RASGRF1: variants seen among roughly 807,000 people sequenced by gnomAD.
The protein encoded by RASGRF1 is Ras protein specific guanine nucleotide releasing factor 1.
In RASGRF1, 40 loss-of-function variants were observed where a neutral mutation model predicts 138.7. The ratio of observed to expected loss-of-function variants is 0.29; its 90% CI spans 0.22 to 0.38. RASGRF1 has a LOEUF of 0.38. Ranked by LOEUF, RASGRF1 falls within the 10% of genes least tolerant of loss-of-function variation. RASGRF1 has a pLI of 1.00. For synonymous variants in RASGRF1, 614 were observed against 663.2 expected, an observed-to-expected ratio of 0.93 and a Z score of 1.14; for missense variants, 1,108 against 1,650.4, an observed-to-expected ratio of 0.67 and a Z score of 5.69.
At chr15:79,021,641 T>A (rs2056962251) in intron 10 of RASGRF1, among the ~76,000 whole-genome samples, 1 of 152,252 alleles carries the variant, frequency 6.6e-6, no homozygotes, top group South Asian at 2.1e-4. Context: ...GAATTTTAGC[T>A]TATGGCTATT....
intron 17 of RASGRF1, 55 bp from the exon 18 acceptor site, chr15:78,998,880 C>A (rs2056453228): frequency 1.4e-6 from 2 of 1,420,732 alleles, no homozygotes; most frequent in Non-Finnish European, 2.0e-6. Context: ...AGAAACAGAG[C>A]TTGACACTAG....
At chr15:79,023,360 A>G (rs773236544) in intron 10 of RASGRF1, among the ~76,000 whole-genome samples, 1 of 152,190 alleles carries the variant, frequency 6.6e-6, no homozygotes, top group East Asian at 1.9e-4. Flanking sequence ...GTGAGGGTCA[A>G]TGTCCTTATT....
chr15:78,982,640 G>A (rs1372840292), intron 23 of RASGRF1, among the ~76,000 whole-genome samples: 4 of 152,002 alleles, frequency 2.6e-5, no homozygotes, highest in Non-Finnish European at 5.9e-5. Flanking sequence ...AAGGACCCTT[G>A]GAGTCAGTGT....
intron 3 of RASGRF1, among the ~76,000 whole-genome samples, chr15:79,056,647 T>A (rs760772519): frequency 1.3e-5 from 2 of 152,094 alleles, no homozygotes; most frequent in Non-Finnish European, 2.9e-5. Context: ...GGAATGAAAG[T>A]ATGTCGTGAA....
chr15:78,975,005 C>G (rs1198526779), intron 24 of RASGRF1, among the ~76,000 whole-genome samples: 1 of 152,242 alleles, frequency 6.6e-6, no homozygotes, highest in African/African-American at 2.4e-5. Flanking sequence ...GTTAGGGACA[C>G]AGCAGACAGA....
At chr15:79,022,114 C>T (rs2056969334) in intron 10 of RASGRF1, among the ~76,000 whole-genome samples, 1 of 152,152 alleles carries the variant, frequency 6.6e-6, no homozygotes, top group African/African-American at 2.4e-5. Flanking sequence ...TTTCTGATTC[C>T]ATGCTCTTTG....
intron 11 of RASGRF1, among the ~76,000 whole-genome samples, chr15:79,019,262 G>A (rs947828093): frequency 6.6e-6 from 1 of 152,186 alleles, no homozygotes; most frequent in African/African-American, 2.4e-5. Context: ...CATCTCTGAG[G>A]GTCTTGGCTT....
At chr15:78,978,215 C>CTTTTCTTTTCTTTTTTTTTTTTTTTTTTT (rs2055915117) in intron 24 of RASGRF1, among the ~76,000 whole-genome samples, 1 of 79,342 alleles carries the variant, frequency 1.3e-5, no homozygotes. Context: ...TTTTTCTTTT[C>CTTTTCTTTTCTTTTTTTTTTTTTTTTTTT]TTTTGTTTTT....
At chr15:79,088,644 G>A (rs1422478838) in intron 1 of RASGRF1, among the ~76,000 whole-genome samples, 4 of 152,204 alleles carry the variant, frequency 2.6e-5, no homozygotes, top group African/African-American at 9.6e-5. Flanking sequence ...GTTGAGGGAT[G>A]GAGGGGGGAT....
chr15:79,005,331 G>A, intron 14 of RASGRF1: 16 of 985,482 alleles, frequency 1.6e-5, no homozygotes, highest in Non-Finnish European at 1.8e-5. Context: ...TGATTCAGGA[G>A]CTCTGCTCCA....
At chr15:79,015,971 G>A (rs745684866) in intron 12 of RASGRF1, among the ~76,000 whole-genome samples, 5 of 152,194 alleles carry the variant, frequency 3.3e-5, no homozygotes, top group East Asian at 3.9e-4. Context: ...GGCTGCTGGC[G>A]GGAGGGGCAC....
chr15:79,072,522 G>A (rs370365473), intron 1 of RASGRF1, among the ~76,000 whole-genome samples: 3 of 151,898 alleles, frequency 2.0e-5, no homozygotes, highest in African/African-American at 4.8e-5. Flanking sequence ...TGATCCGCCC[G>A]CCTCGGCCTC....
At chr15:79,040,784 T>C (rs1329805265) in intron 5 of RASGRF1, among the ~76,000 whole-genome samples, 1 of 152,276 alleles carries the variant, frequency 6.6e-6, no homozygotes, top group Non-Finnish European at 1.5e-5. Context: ...ATTGATTCTT[T>C]TAAAATGCCA....
At chr15:79,008,196 A>G (rs1356134497) in intron 13 of RASGRF1, among the ~76,000 whole-genome samples, 1 of 152,252 alleles carries the variant, frequency 6.6e-6, no homozygotes, top group East Asian at 1.9e-4. Context: ...GCTCAGAGGA[A>G]GTGAGCAAAT....
chr15:79,061,078 T>TCCTAGA (rs1156657351), intron 2 of RASGRF1, among the ~76,000 whole-genome samples: 1 of 152,180 alleles, frequency 6.6e-6, no homozygotes, highest in Non-Finnish European at 1.5e-5. Flanking sequence ...GGAGGCCATG[T>TCCTAGA]GGCAAGGAGT....
At chr15:79,058,249 G>C (rs991552055) in intron 3 of RASGRF1, 85 bp downstream of exon 3, 1 of 1,535,102 alleles carries the variant, frequency 6.5e-7, no homozygotes, top group African/African-American at 1.4e-5. Context: ...TTCCCTGCCT[G>C]TCATGTGGCT....
At chr15:79,011,751 A>T (rs2056798871) in intron 13 of RASGRF1, among the ~76,000 whole-genome samples, 1 of 152,168 alleles carries the variant, frequency 6.6e-6, no homozygotes, top group Non-Finnish European at 1.5e-5. Context: ...ACAAAGAAAC[A>T]CTGTGTCAGC....
rs1567423784 is a variant in RASGRF1, at chr15:78,971,859, AG to A, written c.3681+6del. 6.4e-7 allele frequency: 1 copy of A among 1,568,840 alleles called. No homozygotes were observed. The highest frequency in any genetic ancestry group is 8.8e-7 in the Non-Finnish European group (1 of 1,138,812). On this transcript the variant is annotated splice_donor_region_variant and intron_variant, in intron 26 of 26. Coordinates refer to ENST00000558480, the MANE Select transcript of RASGRF1 (RefSeq NM_001145648.3). The stretch of plus-strand genomic sequence containing the variant: ...CATGCAAGTGACCAGGAAAAGGCAC[AG>A]CTTACCTTTGCTTGGTGCTCTATTT...
chr15:78,982,707 CA>C (rs944621172), intron 23 of RASGRF1, among the ~76,000 whole-genome samples: 1 of 152,094 alleles, frequency 6.6e-6, no homozygotes, highest in Non-Finnish European at 1.5e-5. Context: ...GTTCACCAAG[CA>C]GAGGACTTCT....
Sources: allele counts gnomAD v4.1 joint callset (sites outside exome capture counted in the v4.1 genomes callset), GRCh38; gene constraint gnomAD v4.1.1; transcripts MANE v1.5; gene names NCBI Gene and HGNC (gene_info 2026-07-23, HGNC 2026-07-21).